The following COL6A5 variants were observed in gnomAD, a reference collection of about 807,000 sequenced individuals.
COL6A5 encodes collagen alpha-5(VI) chain.
COL6A5 carries 48 observed loss-of-function variants against 65.6 expected under a neutral mutation model. The ratio of observed to expected loss-of-function variants is 0.73; its 90% CI spans 0.58 to 0.93. The LOEUF is 0.93. Ranked by LOEUF, COL6A5 falls within the 40% of genes least tolerant of loss-of-function variation. The pLI is 0.00. For missense variants in COL6A5, 914 were observed against 928.3 expected, an observed-to-expected ratio of 0.98 and a Z score of 0.20; for synonymous variants, 291 against 322.8, an observed-to-expected ratio of 0.90 and a Z score of 1.05.
intron 5 of COL6A5, among the ~76,000 whole-genome samples, chr3:130,459,188 A>T (rs1709646441): frequency 6.6e-6 from 1 of 152,038 alleles, no homozygotes; most frequent in African/African-American, 2.4e-5. Context: ...ACTTCAACTG[A>T]TGTTCGTTTC....
chr3:130,398,422 G>A lies in COL6A5; in HGVS notation c.3991+311G>A, dbSNP rs975775840. Among the ~76,000 whole-genome samples, 30 of 152,064 alleles carry A rather than the reference G, an allele frequency of 2.0e-4. 1 individual carries two copies. The highest frequency in any genetic ancestry group is 1.6e-4 in the Non-Finnish European group (11 of 68,012). ...TGGGATTGCAGGCGTGAGCCACCGC[G>A]CCCAGCCGAGTTGAAAATTTAAACA... On this transcript the variant is annotated intron_variant and NMD_transcript_variant, in intron 10 of 41. Coordinates refer to the COL6A5 transcript ENST00000312481.
At chr3:130,384,706 A>T in intron 4 of COL6A5, 98 bp from the exon 5 acceptor site, 1 of 1,001,852 alleles carries the variant, frequency 1.0e-6, no homozygotes, top group Non-Finnish European at 1.4e-6. Flanking sequence ...CGAAGTCTTC[A>T]TTCTTTAGAA....
At chr3:130,431,423 T>C (rs778426504), upstream of COL6A5, 1 of 1,545,014 alleles carries the variant, frequency 6.5e-7, no homozygotes, top group South Asian at 1.2e-5. Flanking sequence ...AGGATTTTGA[T>C]CCAGTGAAAT....
At chr3:130,354,523 C>T (rs1216808623) in intron 1 of COL6A5, among the ~76,000 whole-genome samples, 4 of 152,182 alleles carry the variant, frequency 2.6e-5, no homozygotes, top group Admixed American at 2.0e-4. Context: ...AAATGCAGAA[C>T]TCAGGGCTCA....
At chr3:130,400,092 C>T (rs1402362317) in intron 10 of COL6A5, among the ~76,000 whole-genome samples, 3 of 152,138 alleles carry the variant, frequency 2.0e-5, no homozygotes, top group Middle Eastern at 3.2e-3. Flanking sequence ...CACTTCTCTC[C>T]GTCCTTGCCT....
intron 24 of COL6A5, among the ~76,000 whole-genome samples, chr3:130,417,547 A>T (rs925061954): frequency 6.6e-6 from 1 of 152,130 alleles, no homozygotes; most frequent in Non-Finnish European, 1.5e-5. Context: ...GAATCCAAGA[A>T]TGCATGTGGT....
chr3:130,375,547 G>T (rs570762738), intron 2 of COL6A5, among the ~76,000 whole-genome samples: 1 of 152,154 alleles, frequency 6.6e-6, no homozygotes, highest in Non-Finnish European at 1.5e-5. Context: ...TGAGACAATT[G>T]CTTACTCTAT....
At chr3:130,375,967 G>A (rs182675394) in intron 2 of COL6A5, among the ~76,000 whole-genome samples, 1 of 152,092 alleles carries the variant, frequency 6.6e-6, no homozygotes, top group Admixed American at 6.5e-5. Flanking sequence ...TTTCTGAGTT[G>A]GTACAATATC....
At chr3:130,417,098 C>T (rs925041892) in intron 24 of COL6A5, among the ~76,000 whole-genome samples, 4 of 151,742 alleles carry the variant, frequency 2.6e-5, no homozygotes, top group Admixed American at 2.0e-4. Flanking sequence ...CCCCACCCCC[C>T]GACAGACCCT....
At chr3:130,347,357 A>T (rs895606789) in intron 1 of COL6A5, among the ~76,000 whole-genome samples, 2 of 151,122 alleles carry the variant, frequency 1.3e-5, no homozygotes, top group Non-Finnish European at 3.0e-5. Flanking sequence ...ATGATTTTAT[A>T]TTTAATTATT....
chr3:130,391,297 T>A, exon 7 of COL6A5: 1 of 1,551,718 alleles, frequency 6.4e-7, no homozygotes, highest in Non-Finnish European at 8.7e-7. Flanking sequence ...AGAAAGCAGA[T>A]GTTGGCAGGG....
chr3:130,372,238 T>C (rs796369596), intron 1 of COL6A5, among the ~76,000 whole-genome samples: 22 of 152,250 alleles, frequency 1.4e-4, no homozygotes, highest in African/African-American at 5.1e-4. Context: ...GTGTGGCCAC[T>C]TTGGAAAACA....
intron 1 of COL6A5, among the ~76,000 whole-genome samples, chr3:130,368,589 G>A (rs959078303): frequency 6.6e-6 from 1 of 151,802 alleles, no homozygotes; most frequent in South Asian, 2.1e-4. Flanking sequence ...GAGAAGTGGG[G>A]GATTAAGAAA....
chr3:130,354,433 C>G (rs1202951252), intron 1 of COL6A5, among the ~76,000 whole-genome samples: 1 of 152,120 alleles, frequency 6.6e-6, no homozygotes. Flanking sequence ...ATTGGGTATG[C>G]AAAACCCCAC....
chr3:130,379,356 G>A, intron 3 of COL6A5, 62 bp from the exon 4 acceptor site: 1 of 1,404,802 alleles, frequency 7.1e-7, no homozygotes, highest in South Asian at 1.5e-5. Context: ...AATGTAAAAA[G>A]TACCTTTTTC....
chr3:130,415,506 A>ATTAAG, intron 22 of COL6A5, 139 bp from the exon 23 acceptor site: 1 of 698,054 alleles, frequency 1.4e-6, no homozygotes, highest in Non-Finnish European at 2.3e-6. Flanking sequence ...AATGACTCTT[A>ATTAAG]ATACATGCTT....
chr3:130,368,044 C>G (rs372330509), intron 1 of COL6A5, among the ~76,000 whole-genome samples: 1 of 152,154 alleles, frequency 6.6e-6, no homozygotes, highest in African/African-American at 2.4e-5. Context: ...AGTACTGCTG[C>G]CAAACCTCCT....
At chr3:130,411,338 C>T (rs1335328371) in intron 20 of COL6A5, among the ~76,000 whole-genome samples, 4 of 152,186 alleles carry the variant, frequency 2.6e-5, no homozygotes, top group Non-Finnish European at 1.5e-5. Flanking sequence ...AGATTTGGCT[C>T]TGAGTTTTGT....
chr3:130,385,457 G>A, intron 5 of COL6A5, 93 bp downstream of exon 5: 1 of 1,298,416 alleles, frequency 7.7e-7, no homozygotes, highest in Middle Eastern at 2.6e-4. Flanking sequence ...GATGTGACCA[G>A]TTGTCCGGAT....
Sources: gnomAD v4.1 joint callset for allele counts (sites outside exome capture counted in the v4.1 genomes callset) on GRCh38, gnomAD v4.1.1 for gene constraint, MANE v1.5 for transcripts, NCBI Gene and HGNC (gene_info 2026-07-23, HGNC 2026-07-21) for gene names.